The following AGPS variants were observed in gnomAD, a reference collection of about 807,000 sequenced individuals.
The protein encoded by AGPS is alkylglycerone phosphate synthase, also known as alkyldihydroxyacetonephosphate synthase, peroxisomal.
Under a neutral mutation model 90.7 loss-of-function variants are expected in AGPS, and 26 were observed. The observed-to-expected ratio is 0.29, with a 90% CI of 0.21 to 0.40. The LOEUF is 0.40. Ranked by LOEUF, AGPS falls within the 10% of genes least tolerant of loss-of-function variation. AGPS has a pLI of 1.00. For synonymous variants in AGPS, 294 were observed against 285.3 expected, an observed-to-expected ratio of 1.03 and a Z score of -0.31; for missense variants, 540 against 816.1, an observed-to-expected ratio of 0.66 and a Z score of 4.12.
At chr2:177,499,591 TA>T (rs1688498515) in intron 13 of AGPS, 26 bp from the exon 14 acceptor site, 2 of 1,402,880 alleles carry the variant, frequency 1.4e-6, no homozygotes, top group Non-Finnish European at 2.0e-6. Context: ...GACTTATCTG[TA>T]ATAATAAATT....
chr2:177,489,006 C>T (rs1468162364), intron 11 of AGPS, among the ~76,000 whole-genome samples: 1 of 151,806 alleles, frequency 6.6e-6, no homozygotes, highest in Non-Finnish European at 1.5e-5. Context: ...ATCTGAATTG[C>T]AAGTTCTGAT....
At chr2:177,497,061 AAAACAGT>A (rs1420547676) in intron 12 of AGPS, among the ~76,000 whole-genome samples, 1 of 152,092 alleles carries the variant, frequency 6.6e-6, no homozygotes, top group Admixed American at 6.5e-5. Context: ...GAAAAGTGAG[AAAACAGT>A]AAAAGGTTTT....
At chr2:177,507,519 G>GA (rs1048379120) in intron 15 of AGPS, among the ~76,000 whole-genome samples, 20 of 152,088 alleles carry the variant, frequency 1.3e-4, no homozygotes, top group Admixed American at 2.0e-4. Context: ...TTGATTTTAA[G>GA]AAAAAAATCT....
chr2:177,397,439 C>A (rs1399639224), intron 1 of AGPS, among the ~76,000 whole-genome samples: 2 of 149,630 alleles, frequency 1.3e-5, no homozygotes, highest in Admixed American at 6.6e-5. Context: ...ATATGTGACA[C>A]TTTTACGTCT....
rs764787682 is a variant in AGPS, at chr2:177,524,754, A to G, written c.1855+949A>G. On this transcript the variant is annotated intron_variant, in intron 19 of 19. Coordinates refer to ENST00000264167, the MANE Select transcript of AGPS (RefSeq NM_003659.4). ...GAGAATCCATGAGGACAGGAATTCT[A>G]GTTTTGTTTGTTGCTATATGGTAGC... 3.0e-4 allele frequency among the ~76,000 whole-genome samples: 45 copies of G among 152,142 alleles called. 1 individual carries two copies. The highest frequency in any genetic ancestry group is 2.9e-5 in the Non-Finnish European group (2 of 68,020).
chr2:177,519,281 T>A (rs1689113276), intron 17 of AGPS, among the ~76,000 whole-genome samples: 1 of 152,206 alleles, frequency 6.6e-6, no homozygotes, highest in Non-Finnish European at 1.5e-5. Context: ...TTGGCATTTG[T>A]TTTACCTAGA....
intron 2 of AGPS, among the ~76,000 whole-genome samples, chr2:177,431,843 A>C (rs2105623304): frequency 6.6e-6 from 1 of 152,296 alleles, no homozygotes; most frequent in East Asian, 1.9e-4. Context: ...CATGTTTTAC[A>C]GTCAATTTGT....
intron 17 of AGPS, 69 bp downstream of exon 17, chr2:177,513,977 A>T (rs185645772): frequency 3.4e-5 from 40 of 1,191,958 alleles, no homozygotes; most frequent in Admixed American, 7.0e-5. Flanking sequence ...AAGGGGGGGA[A>T]TATAATTTTC....
intron 1 of AGPS, among the ~76,000 whole-genome samples, chr2:177,404,820 A>G (rs1685422470): frequency 1.3e-5 from 2 of 152,144 alleles, no homozygotes; most frequent in Admixed American, 6.5e-5. Flanking sequence ...TTCCAAGTTC[A>G]TACCTGCCAT....
At chr2:177,432,155 G>T (rs1479410249) in intron 2 of AGPS, among the ~76,000 whole-genome samples, 1 of 152,058 alleles carries the variant, frequency 6.6e-6, no homozygotes, top group Non-Finnish European at 1.5e-5. Flanking sequence ...GATAATTTTT[G>T]TCCACAGAAT....
chr2:177,531,273 AG>A (rs974094362), intron 19 of AGPS, among the ~76,000 whole-genome samples: 4 of 152,306 alleles, frequency 2.6e-5, no homozygotes, highest in African/African-American at 9.6e-5. Context: ...AAAATCCCAA[AG>A]AATGTACAAA....
At chr2:177,428,109 T>C (rs558473221) in intron 2 of AGPS, among the ~76,000 whole-genome samples, 4 of 152,334 alleles carry the variant, frequency 2.6e-5, no homozygotes, top group East Asian at 3.9e-4. Context: ...TTGGTCTTTG[T>C]TGGTTTAAAG....
At chr2:177,397,830 ACCAGC>A (rs1044848812) in intron 1 of AGPS, among the ~76,000 whole-genome samples, 1 of 152,186 alleles carries the variant, frequency 6.6e-6, no homozygotes, top group African/African-American at 2.4e-5. Context: ...GGAATTCAAG[ACCAGC>A]CTGGGTAAGA....
chr2:177,434,020 G>A (rs977758655), intron 2 of AGPS, among the ~76,000 whole-genome samples: 1 of 152,112 alleles, frequency 6.6e-6, no homozygotes, highest in African/African-American at 2.4e-5. Flanking sequence ...ACCAGCTGGG[G>A]CCTGCCATAA....
chr2:177,438,664 C>T (rs1263319343), intron 5 of AGPS, among the ~76,000 whole-genome samples: 1 of 152,150 alleles, frequency 6.6e-6, no homozygotes, highest in Non-Finnish European at 1.5e-5. Flanking sequence ...TTAAGCCTCC[C>T]ATACACCGTT....
At position 177,505,700 on chromosome 2, in the gene AGPS, C is replaced by T. The variant is rs77438433; in HGVS notation, c.1545+125C>T. 12,860 of 821,186 alleles carry T rather than the reference C, an allele frequency of 0.016. 284 individuals are homozygous for T. Among genetic ancestry groups the T allele is most frequent in the South Asian group, 0.058 (3,879 of 66,942 alleles). 50.9% of individuals were successfully genotyped at this position (821,186 alleles called of 1,614,324 possible). A position where few individuals can be genotyped will look rare whatever the true frequency, so the allele number is the denominator to read the frequency against. ...TTTAAGCTACTGTAATTTAGCATAT[C>T]ATTTTACATGAACCTTATTTTAGCT... On this transcript the variant is annotated intron_variant, in intron 15 of 19. Transcript: ENST00000264167.
At chr2:177,487,468 T>G (rs1376449916) in intron 11 of AGPS, among the ~76,000 whole-genome samples, 1 of 152,070 alleles carries the variant, frequency 6.6e-6, no homozygotes, top group African/African-American at 2.4e-5. Context: ...AGGTTTGGGG[T>G]TTTTTGTTTG....
At chr2:177,518,900 A>G (rs78264343) in intron 17 of AGPS, among the ~76,000 whole-genome samples, 3,263 of 152,164 alleles carry the variant, frequency 0.021, 76 homozygotes, top group South Asian at 0.055. Flanking sequence ...AGGAAGAGTC[A>G]GTGATTGAGG....
At chr2:177,398,016 G>A (rs768259722) in intron 1 of AGPS, among the ~76,000 whole-genome samples, 14 of 152,086 alleles carry the variant, frequency 9.2e-5, no homozygotes, top group Non-Finnish European at 1.9e-4. Context: ...TGGACGACAG[G>A]GCGAGACTGT....
Sources: allele counts gnomAD v4.1 joint callset (sites outside exome capture counted in the v4.1 genomes callset), GRCh38; gene constraint gnomAD v4.1.1; transcripts MANE v1.5; gene names NCBI Gene and HGNC (gene_info 2026-07-23, HGNC 2026-07-21).